MSRA: variants seen among roughly 807,000 people sequenced by gnomAD.
The protein encoded by MSRA is methionine sulfoxide reductase A.
MSRA carries 54 observed loss-of-function variants against 31.3 expected under a neutral mutation model. The ratio of observed to expected loss-of-function variants is 1.73; its 90% CI spans 1.39 to 2.17. MSRA has a LOEUF of 2.17. Among genes scored for constraint, MSRA ranks in the 30% most tolerant of loss-of-function variants. MSRA has a pLI of 0.00. For synonymous variants in MSRA, 169 were observed against 116.5 expected (o/e 1.45, Z -2.90); for missense variants, 507 against 300.9 (o/e 1.69, Z -5.07).
intron 1 of MSRA, among the ~76,000 whole-genome samples, chr8:10,163,449 C>T (rs1804844280): frequency 6.6e-6 from 1 of 152,190 alleles, no homozygotes; most frequent in African/African-American, 2.4e-5. Context: ...GCTGCCGCTG[C>T]TTGGCCCGTT....
At chr8:10,071,153 C>G (rs1001809537) in intron 1 of MSRA, among the ~76,000 whole-genome samples, 1 of 152,190 alleles carries the variant, frequency 6.6e-6, no homozygotes, top group Non-Finnish European at 1.5e-5. Context: ...TCTGCATCCT[C>G]TCTAGCATTT....
At chr8:10,309,258 C>G (rs1008220159) in intron 4 of MSRA, among the ~76,000 whole-genome samples, 1 of 152,230 alleles carries the variant, frequency 6.6e-6, no homozygotes, top group African/African-American at 2.4e-5. Flanking sequence ...GTGAGTGAAC[C>G]TCTGTTTCTG....
At chr8:10,317,656 C>T (rs931407859) in intron 4 of MSRA, among the ~76,000 whole-genome samples, 1 of 152,140 alleles carries the variant, frequency 6.6e-6, no homozygotes, top group Non-Finnish European at 1.5e-5. Flanking sequence ...TGTTTCTGAG[C>T]CAGTAATTCT....
At chr8:10,417,372 G>C (rs942653127) in intron 5 of MSRA, among the ~76,000 whole-genome samples, 1 of 151,260 alleles carries the variant, frequency 6.6e-6, no homozygotes, top group Non-Finnish European at 1.5e-5. Flanking sequence ...CTGTTGCTCC[G>C]GGGTCCTCTT....
rs1206869230 is a variant in MSRA at position 10,330,652 on chromosome 8, A to G, written c.543+10663A>G. On this transcript the variant is annotated intron_variant, in intron 5 of 5. Transcript: ENST00000317173. ...AGTCACAGAAGCTCACATGTGACAA[A>G]TGCTCTTTTCTGCAGAGAATCTCCT... is the stretch of plus-strand genomic sequence containing the variant. Among the ~76,000 whole-genome samples, 3 of 152,214 alleles carry G rather than the reference A, an allele frequency of 2.0e-5. No individual in the cohort carries two copies. The South Asian group carries it at 6.2e-4, about 32-fold the overall frequency.
At position 10,428,421 on chromosome 8, in the gene MSRA, A is replaced by G. The variant is rs537567182; in HGVS notation, c.*109A>G. The G allele has an allele frequency of 2.8e-4, 333 of 1,196,662 alleles. No individual in the cohort carries two copies. The highest frequency in any genetic ancestry group is 3.8e-4 in the Non-Finnish European group (322 of 845,348). 74.1% of individuals were successfully genotyped at this position (1,196,662 alleles called of 1,614,324 possible). A position where few individuals can be genotyped will look rare whatever the true frequency, so the allele number is the denominator to read the frequency against. Reference sequence around the variant, plus strand: ...GGCATTTAAAGTGCACAAAGTACAAAGGAATTTATACAGATTGGGTTTACC... The same window carrying G: ...GGCATTTAAAGTGCACAAAGTACAAGGGAATTTATACAGATTGGGTTTACC... On this transcript the variant is annotated 3_prime_UTR_variant, in exon 6 of 6. Transcript: ENST00000317173.
chr8:10,423,938 G>C (rs1371476003), intron 5 of MSRA, among the ~76,000 whole-genome samples: 1 of 149,266 alleles, frequency 6.7e-6, no homozygotes, highest in Non-Finnish European at 1.5e-5. Context: ...TTCATTAATT[G>C]CACACAGTGC....
intron 3 of MSRA, among the ~76,000 whole-genome samples, chr8:10,296,892 C>T (rs1379668945): frequency 6.6e-6 from 1 of 152,212 alleles, no homozygotes; most frequent in African/African-American, 2.4e-5. Context: ...GCTGGCATCT[C>T]ACCACAGCTC....
chr8:10,305,806 T>G (rs896458431), intron 4 of MSRA, among the ~76,000 whole-genome samples: 1 of 152,186 alleles, frequency 6.6e-6, no homozygotes, highest in Non-Finnish European at 1.5e-5. Context: ...CCGAGACCTG[T>G]TATTCCACAG....
At chr8:10,396,521 T>C (rs1298927215) in intron 5 of MSRA, among the ~76,000 whole-genome samples, 5 of 152,224 alleles carry the variant, frequency 3.3e-5, no homozygotes, top group Admixed American at 3.3e-4. Flanking sequence ...TGTGATCCTG[T>C]GAAAGTGTGT....
chr8:10,082,763 T>G (rs1189561294), intron 1 of MSRA, among the ~76,000 whole-genome samples: 1 of 152,118 alleles, frequency 6.6e-6, no homozygotes, highest in Admixed American at 6.5e-5. Flanking sequence ...ATCACACGGT[T>G]GTGTGGTTGT....
At chr8:10,124,971 C>A (rs1236150060) in intron 1 of MSRA, among the ~76,000 whole-genome samples, 5 of 152,140 alleles carry the variant, frequency 3.3e-5, no homozygotes, top group African/African-American at 4.8e-5. Context: ...TAACTAGATA[C>A]ATTAAATAGT....
chr8:10,253,522 A>AC (rs1184107897), intron 3 of MSRA, among the ~76,000 whole-genome samples: 6 of 152,232 alleles, frequency 3.9e-5, no homozygotes, highest in Non-Finnish European at 4.4e-5. Flanking sequence ...ATGGAAAGGA[A>AC]CAATAATAAA....
chr8:10,139,900 A>G (rs1460133722), intron 1 of MSRA, among the ~76,000 whole-genome samples: 1 of 152,204 alleles, frequency 6.6e-6, no homozygotes, highest in Non-Finnish European at 1.5e-5. Flanking sequence ...TAAAGTGCCC[A>G]TATTTTATTT....
intron 4 of MSRA, among the ~76,000 whole-genome samples, chr8:10,313,924 T>G (rs537510580): frequency 1.3e-5 from 2 of 152,344 alleles, no homozygotes; most frequent in East Asian, 3.9e-4. Flanking sequence ...AATAATGGCT[T>G]CTTAATCAAT....
intron 1 of MSRA, chr8:10,095,422 A>G: frequency 1.0e-6 from 1 of 969,580 alleles, no homozygotes; most frequent in Non-Finnish European, 1.2e-6. Context: ...GTACCGTACC[A>G]CGGTTTCCTG....
chr8:10,283,168 C>CACA (rs1554515464), intron 3 of MSRA, among the ~76,000 whole-genome samples: 1 of 70,332 alleles, frequency 1.4e-5, no homozygotes, highest in African/African-American at 6.2e-5. Flanking sequence ...ACACTCTCAC[C>CACA]CTTCTCTTTG....
intron 5 of MSRA, among the ~76,000 whole-genome samples, chr8:10,324,091 A>G (rs146011880): frequency 9.8e-4 from 149 of 151,944 alleles, no homozygotes; most frequent in African/African-American, 3.5e-3. Flanking sequence ...TTTCAGCACC[A>G]CTCGCCTTTC....
chr8:10,128,427 A>C (rs1476219285), intron 1 of MSRA, among the ~76,000 whole-genome samples: 1 of 152,140 alleles, frequency 6.6e-6, no homozygotes, highest in African/African-American at 2.4e-5. Context: ...ATCAGATGTG[A>C]ACATAAACAC....
Sources: gnomAD v4.1 joint callset for allele counts (sites outside exome capture counted in the v4.1 genomes callset) on GRCh38, gnomAD v4.1.1 for gene constraint, MANE v1.5 for transcripts, NCBI Gene and HGNC (gene_info 2026-07-23, HGNC 2026-07-21) for gene names.